Variants in CDH13 observed in about 807,000 individuals in gnomAD.
CDH13 encodes the protein cadherin-13.
Under a neutral mutation model 63.8 loss-of-function variants are expected in CDH13, and 24 were observed. The observed-to-expected ratio is 0.38, with a 90% CI of 0.27 to 0.53. The LOEUF (loss-of-function observed/expected upper bound fraction) is 0.53, where lower values mean the gene tolerates loss of function less well. Ranked by LOEUF, CDH13 falls within the 20% of genes least tolerant of loss-of-function variation. CDH13 has a pLI of 0.85. For missense variants in CDH13, 1,049 were observed against 903.1 expected, an observed-to-expected ratio of 1.16 and a Z score of -2.07; for synonymous variants, 503 against 355.3, an observed-to-expected ratio of 1.42 and a Z score of -4.67.
At position 83,435,365 on chromosome 16, in the gene CDH13, C is replaced by A. The variant is rs78667405; in HGVS notation, c.782-51112C>A. Reference sequence around the variant, plus strand: ...GGCCCCCTATTTGACATATTTTTAACGGTGTAGGCAAAATGATCTTTTTTC... The same window carrying A: ...GGCCCCCTATTTGACATATTTTTAAAGGTGTAGGCAAAATGATCTTTTTTC... On this transcript the variant is annotated intron_variant, in intron 6 of 13. Transcript: ENST00000567109. 6.5e-3 allele frequency among the ~76,000 whole-genome samples: 984 copies of A among 152,216 alleles called. 11 individuals are homozygous for A. The highest frequency in any genetic ancestry group is 0.023 in the African/African-American group (937 of 41,524).
At chr16:83,413,960 C>G (rs1444147985) in intron 6 of CDH13, among the ~76,000 whole-genome samples, 1 of 152,134 alleles carries the variant, frequency 6.6e-6, no homozygotes, top group African/African-American at 2.4e-5. Context: ...CACCACTGTA[C>G]TCCAGCCTGG....
In CDH13 at chr16:83,489,208, T is replaced by C. The variant is rs74867665; in HGVS notation, c.960+2553T>C. ...GATAATGTAGTAAATTATCCCATTT[T>C]TAAAGTTTATTTTAGGGGACAAATG... On this transcript the variant is annotated intron_variant, in intron 7 of 13. Coordinates refer to ENST00000567109, the MANE Select transcript of CDH13 (RefSeq NM_001257.5). Among the ~76,000 whole-genome samples the C allele has an allele frequency of 5.3e-4, 81 of 152,210 alleles. 1 individual carries two copies. Among genetic ancestry groups the C allele is most frequent in the Admixed American group, 2.5e-3 (38 of 15,274 alleles).
intron 4 of CDH13, among the ~76,000 whole-genome samples, chr16:83,169,915 C>T (rs2037849364): frequency 6.6e-6 from 1 of 152,116 alleles, no homozygotes; most frequent in African/African-American, 2.4e-5. Flanking sequence ...TTCATATTCA[C>T]ATCTGATTCT....
At chr16:83,656,471 GGT>G (rs1912880050) in intron 8 of CDH13, among the ~76,000 whole-genome samples, 1 of 152,138 alleles carries the variant, frequency 6.6e-6, no homozygotes, top group Admixed American at 6.5e-5. Flanking sequence ...CAGGGTTGGG[GGT>G]GTGAGTGTGT....
rs77656772 is a variant in CDH13 at position 83,447,006 on chromosome 16, A to C, written c.782-39471A>C. Reference sequence around the variant, plus strand: ...ACCTGCATTGAAGGGGTTAAGAAGTAAGGAAATGATTTAAATAGACTTACC... The same window carrying C: ...ACCTGCATTGAAGGGGTTAAGAAGTCAGGAAATGATTTAAATAGACTTACC... On this transcript the variant is annotated intron_variant, in intron 6 of 13. Transcript: ENST00000567109. Among the ~76,000 whole-genome samples, 933 of 148,368 alleles carry C rather than the reference A, an allele frequency of 6.3e-3. 49 individuals carry two copies. In the East Asian group the frequency reaches 0.13, roughly 20 times the overall value.
At chr16:83,287,287 TTTCA>T (rs1465455522) in intron 5 of CDH13, among the ~76,000 whole-genome samples, 1 of 152,116 alleles carries the variant, frequency 6.6e-6, no homozygotes, top group African/African-American at 2.4e-5. Flanking sequence ...GGACCAAAAC[TTTCA>T]TTCAGTAAGA....
chr16:83,511,127 T>C (rs113156699), intron 7 of CDH13, among the ~76,000 whole-genome samples: 29 of 127,932 alleles, frequency 2.3e-4, no homozygotes, highest in East Asian at 2.0e-4. Context: ...CACATGCACA[T>C]GTGCACACAT....
intron 4 of CDH13, among the ~76,000 whole-genome samples, chr16:83,213,923 G>A (rs970120818): frequency 9.2e-5 from 14 of 152,174 alleles, no homozygotes; most frequent in Middle Eastern, 3.4e-3. Context: ...CTGTAAAAAC[G>A]CACCAATCTG....
intron 11 of CDH13, among the ~76,000 whole-genome samples, chr16:83,779,177 C>T (rs149281431): frequency 6.6e-5 from 10 of 152,040 alleles, no homozygotes; most frequent in Admixed American, 5.2e-4. Flanking sequence ...GAGGCCTAGG[C>T]AGGCGGATCA....
chr16:83,535,593 G>A (rs900203589), intron 7 of CDH13, among the ~76,000 whole-genome samples: 2 of 152,204 alleles, frequency 1.3e-5, no homozygotes, highest in African/African-American at 4.8e-5. Flanking sequence ...TGCGTATTGA[G>A]ATCTCAACAT....
At chr16:82,681,931 C>T (rs1914594404) in intron 1 of CDH13, among the ~76,000 whole-genome samples, 1 of 152,250 alleles carries the variant, frequency 6.6e-6, no homozygotes, top group Admixed American at 6.5e-5. Context: ...CAGCAGTTCC[C>T]AGGCTTAGTG....
chr16:83,336,458 G>C (rs76161362), intron 5 of CDH13, among the ~76,000 whole-genome samples: 10,643 of 152,166 alleles, frequency 0.07, 528 homozygotes, highest in Non-Finnish European at 0.11. Context: ...GCCCCAGAGA[G>C]GTAATTCGGA....
intron 7 of CDH13, among the ~76,000 whole-genome samples, chr16:83,543,230 C>T (rs188035906): frequency 1.8e-4 from 28 of 152,330 alleles, no homozygotes; most frequent in African/African-American, 6.7e-4. Flanking sequence ...TAATGTGTGA[C>T]ATTTCGTATA....
intron 7 of CDH13, among the ~76,000 whole-genome samples, chr16:83,551,056 ATATCTATC>A (rs61159679): frequency 2.0e-5 from 3 of 148,354 alleles, no homozygotes; most frequent in African/African-American, 5.0e-5. Context: ...TAAGTCATTT[ATATCTATC>A]TATCTATCTA....
At chr16:82,735,722 C>T (rs150807943) in intron 1 of CDH13, among the ~76,000 whole-genome samples, 140 of 152,320 alleles carry the variant, frequency 9.2e-4, no homozygotes, top group Middle Eastern at 6.8e-3. Context: ...AGCGAGACCA[C>T]AATGTTGCCA....
chr16:83,273,909 C>G (rs1215936972), intron 5 of CDH13, among the ~76,000 whole-genome samples: 1 of 152,170 alleles, frequency 6.6e-6, no homozygotes, highest in Non-Finnish European at 1.5e-5. Flanking sequence ...TCTAGCCTCA[C>G]ATGCAGGACC....
intron 4 of CDH13, among the ~76,000 whole-genome samples, chr16:83,158,573 C>T (rs993819216): frequency 5.9e-5 from 9 of 152,180 alleles, no homozygotes; most frequent in African/African-American, 1.2e-4. Flanking sequence ...CATCTACGGG[C>T]GCACTGTTCA....
intron 3 of CDH13, among the ~76,000 whole-genome samples, chr16:83,113,788 A>T (rs1225645365): frequency 1.3e-5 from 2 of 152,112 alleles, no homozygotes; most frequent in South Asian, 2.1e-4. Flanking sequence ...TCAGACAAGC[A>T]CCTGCAATTG....
intron 2 of CDH13, among the ~76,000 whole-genome samples, chr16:83,023,283 G>A (rs540344545): frequency 6.6e-6 from 1 of 150,808 alleles, no homozygotes; most frequent in East Asian, 2.0e-4. Context: ...ATTTCCCCCA[G>A]GTGGGGTGTT....
Sources: gnomAD v4.1 joint callset for allele counts (sites outside exome capture counted in the v4.1 genomes callset) on GRCh38, gnomAD v4.1.1 for gene constraint, MANE v1.5 for transcripts, NCBI Gene and HGNC (gene_info 2026-07-23, HGNC 2026-07-21) for gene names.